CASK: variants seen among roughly 807,000 people sequenced by gnomAD.
CASK encodes the protein peripheral plasma membrane protein CASK.
In CASK, 4 loss-of-function variants were observed where a neutral mutation model predicts 82.9. The observed-to-expected ratio is 0.05, with a 90% CI of 0.02 to 0.11. The LOEUF (loss-of-function observed/expected upper bound fraction) is 0.11, where lower values mean the gene tolerates loss of function less well. Ranked by LOEUF, CASK falls within the 10% of genes least tolerant of loss-of-function variation. CASK has a pLI of 1.00. For synonymous variants in CASK, 259 were observed against 253.5 expected, an observed-to-expected ratio of 1.02 and a Z score of -0.20; for missense variants, 358 against 720.9, an observed-to-expected ratio of 0.50 and a Z score of 5.76.
At chrX:41,608,438 C>T (rs891631277) in intron 12 of CASK, among the ~76,000 whole-genome samples, 1 of 112,023 alleles carries the variant, frequency 8.9e-6, no homozygotes, top group Non-Finnish European at 1.9e-5. Flanking sequence ...CTGTAGAACA[C>T]ATTCTGGGAA....
intron 2 of CASK, among the ~76,000 whole-genome samples, chrX:41,842,336 C>A (rs1049464722): frequency 9.1e-6 from 1 of 110,424 alleles, no homozygotes; most frequent in African/African-American, 3.3e-5. Flanking sequence ...CCCTGGGAGG[C>A]GAGGTGGGCA....
chrX:41,842,749 T>C (rs1010844308), intron 2 of CASK, among the ~76,000 whole-genome samples: 1 of 111,437 alleles, frequency 9.0e-6, no homozygotes, highest in Non-Finnish European at 1.9e-5. Context: ...ACTGAATCTA[T>C]AGATCAATTT....
chrX:41,796,168 T>C (rs910701154), intron 2 of CASK, among the ~76,000 whole-genome samples: 5 of 112,472 alleles, frequency 4.4e-5, no homozygotes, highest in Non-Finnish European at 9.4e-5. Context: ...GATAGGGCAA[T>C]AGACTTGTAG....
chrX:41,910,297 G>A (rs1204776472), intron 1 of CASK, among the ~76,000 whole-genome samples: 1 of 111,130 alleles, frequency 9.0e-6, no homozygotes, highest in Non-Finnish European at 1.9e-5. Flanking sequence ...TAAGAATTAT[G>A]TAATTTTATG....
At chrX:41,921,056 T>C (rs934884897) in intron 1 of CASK, among the ~76,000 whole-genome samples, 5 of 112,129 alleles carry the variant, frequency 4.5e-5, no homozygotes, top group Non-Finnish European at 9.4e-5. Context: ...GCTATTCACA[T>C]GTGGCTACTG....
chrX:41,671,680 T>C, intron 5 of CASK, 150 bp from the exon 6 acceptor site: 1 of 488,526 alleles, frequency 2.0e-6, no homozygotes, highest in Non-Finnish European at 3.7e-6. Flanking sequence ...GATGCTTGAA[T>C]TATTTGTCAT....
intron 2 of CASK, among the ~76,000 whole-genome samples, chrX:41,820,043 A>G (rs1405212059): frequency 8.9e-6 from 1 of 111,821 alleles, no homozygotes; most frequent in African/African-American, 3.2e-5. Context: ...AGAAGAAACA[A>G]AAGTCATACA....
chrX:41,829,736 T>TATATAC (rs2070755411), intron 2 of CASK, among the ~76,000 whole-genome samples: 1 of 36,797 alleles, frequency 2.7e-5, no homozygotes, highest in Non-Finnish European at 4.7e-5. Context: ...TATATATATA[T>TATATAC]ATATATATAT....
intron 10 of CASK, among the ~76,000 whole-genome samples, chrX:41,625,449 G>A (rs761465118): frequency 1.8e-5 from 2 of 110,817 alleles, no homozygotes; most frequent in Non-Finnish European, 3.8e-5. Context: ...GCCTCCCAAA[G>A]TGCTGGGATT....
At chrX:41,850,417 C>A (rs1014963279) in intron 2 of CASK, among the ~76,000 whole-genome samples, 19 of 109,937 alleles carry the variant, frequency 1.7e-4, no homozygotes, top group African/African-American at 4.6e-4. Context: ...TACAAGTACA[C>A]TAGGAAAACA....
At chrX:41,724,439 G>A (rs2068220686) in intron 5 of CASK, 1 of 112,546 alleles carries the variant, frequency 8.9e-6, no homozygotes, top group African/African-American at 3.2e-5. Flanking sequence ...GAAGTTAAGA[G>A]TTGTAGAACT....
chrX:41,900,597 T>C (rs2072352401), intron 1 of CASK, among the ~76,000 whole-genome samples: 1 of 79,789 alleles, frequency 1.3e-5, no homozygotes, highest in Admixed American at 1.4e-4. Context: ...TTCTGTTTGG[T>C]TCTTTTTTTT....
intron 3 of CASK, among the ~76,000 whole-genome samples, chrX:41,773,113 A>G (rs1440053448): frequency 9.0e-6 from 1 of 110,702 alleles, no homozygotes; most frequent in Non-Finnish European, 1.9e-5. Context: ...AGGAAGCCAC[A>G]GTGGTTCATA....
At chrX:41,757,939 C>T (rs767869308) in intron 3 of CASK, among the ~76,000 whole-genome samples, 1 of 112,361 alleles carries the variant, frequency 8.9e-6, no homozygotes, top group Non-Finnish European at 1.9e-5. Flanking sequence ...TTGTTGGTGG[C>T]GAATTCATTT....
chrX:41,900,154 T>C lies in CASK; in HGVS notation c.59+22776A>G, dbSNP rs2072343902. 6.3e-5 allele frequency among the ~76,000 whole-genome samples: 7 copies of C among 110,865 alleles called. No homozygotes were observed. The South Asian group carries it at 2.7e-3, about 42-fold the overall frequency. ...TGATAGTCTTATAGAGGTTTCCTTG[T>C]AGGTGATGGTTTGCTTTTCTCTTGA... On this transcript the variant is annotated intron_variant, in intron 1 of 26. Transcript: ENST00000378163.
At chrX:41,609,719 T>C (rs905927827) in intron 12 of CASK, among the ~76,000 whole-genome samples, 185 bp downstream of exon 12, 22 of 109,300 alleles carry the variant, frequency 2.0e-4, no homozygotes, top group Non-Finnish European at 1.9e-5. Flanking sequence ...CCACCACACC[T>C]GGCTAATTTT....
At chrX:41,802,150 C>T (rs769641532) in intron 2 of CASK, among the ~76,000 whole-genome samples, 1 of 111,311 alleles carries the variant, frequency 9.0e-6, no homozygotes, top group Admixed American at 9.6e-5. Context: ...GAAACTGTTC[C>T]CTGTATAAGG....
At chrX:41,839,247 A>C (rs1184207649) in intron 2 of CASK, among the ~76,000 whole-genome samples, 1 of 111,704 alleles carries the variant, frequency 9.0e-6, no homozygotes, top group Non-Finnish European at 1.9e-5. Flanking sequence ...GAGAAATTAT[A>C]TATTTACTAT....
intron 4 of CASK, 114 bp from the exon 5 acceptor site, chrX:41,739,570 T>C: frequency 1.9e-6 from 1 of 522,615 alleles, no homozygotes; most frequent in Non-Finnish European, 3.4e-6. Flanking sequence ...ATGGACACAT[T>C]TGATTTGAGC....
Sources: gnomAD v4.1 joint callset for allele counts (sites outside exome capture counted in the v4.1 genomes callset) on GRCh38, gnomAD v4.1.1 for gene constraint, MANE v1.5 for transcripts, NCBI Gene and HGNC (gene_info 2026-07-23, HGNC 2026-07-21) for gene names.